KALRN: variants seen among roughly 807,000 people sequenced by gnomAD.
KALRN encodes the protein kalirin RhoGEF kinase.
In KALRN, 70 loss-of-function variants were observed where a neutral mutation model predicts 353.7. The ratio of observed to expected loss-of-function variants is 0.20; its 90% confidence interval spans 0.16 to 0.24. KALRN has a LOEUF of 0.24. Ranked by LOEUF, KALRN falls within the 10% of genes least tolerant of loss-of-function variation. KALRN has a pLI of 1.00. For synonymous variants in KALRN, 1,391 were observed against 1,434.8 expected (o/e 0.97, Z 0.69); for missense variants, 2,791 against 3,756.7 (o/e 0.74, Z 6.72).
chr3:124,115,392 C>T (rs966444782), intron 1 of KALRN, among the ~76,000 whole-genome samples: 2 of 152,178 alleles, frequency 1.3e-5, no homozygotes, highest in African/African-American at 4.8e-5. Context: ...TTAGGCAGGG[C>T]TGCAGGCCAT....
chr3:124,224,072 G>A (rs1198609320), intron 1 of KALRN, among the ~76,000 whole-genome samples: 1 of 152,010 alleles, frequency 6.6e-6, no homozygotes, highest in Non-Finnish European at 1.5e-5. Context: ...GAATGCCAGT[G>A]AAGCATGCCT....
intron 34 of KALRN, among the ~76,000 whole-genome samples, chr3:124,600,760 A>G (rs1476782051): frequency 6.6e-6 from 1 of 152,326 alleles, no homozygotes; most frequent in Non-Finnish European, 1.5e-5. Flanking sequence ...GATTGCTAAC[A>G]TATATTTTGG....
At chr3:124,077,273 C>T (rs1376465062) in intron 1 of KALRN, among the ~76,000 whole-genome samples, 17 of 152,166 alleles carry the variant, frequency 1.1e-4, no homozygotes, top group Admixed American at 1.0e-3. Flanking sequence ...TTGCTGAGCT[C>T]AGATGCCCCA....
At chr3:124,256,417 G>C (rs1328196136) in intron 3 of KALRN, among the ~76,000 whole-genome samples, 1 of 152,176 alleles carries the variant, frequency 6.6e-6, no homozygotes, top group East Asian at 1.9e-4. Context: ...CAAATCCAAA[G>C]GCCAACAAAC....
chr3:124,458,343 C>T (rs192592755), intron 23 of KALRN, among the ~76,000 whole-genome samples: 13 of 151,046 alleles, frequency 8.6e-5, no homozygotes, highest in Admixed American at 7.9e-4. Flanking sequence ...CGTTTCCCTT[C>T]CTTTTTTTCC....
At position 124,454,012 on chromosome 3, in the gene KALRN, C is replaced by T. The variant is rs188309948; in HGVS notation, c.3553-1165C>T. Among the ~76,000 whole-genome samples the T allele has an allele frequency of 7.1e-4, 108 of 152,252 alleles. 1 individual carries two copies. Among genetic ancestry groups the T allele is most frequent in the Admixed American group, 1.9e-3 (29 of 15,290 alleles). The stretch of plus-strand genomic sequence containing the variant: ...AACTATAGCTCTTTACACAGTACTA[C>T]GGACCAAGTAGGTATTGAACAAACT... On this transcript the variant is annotated intron_variant, in intron 21 of 59. Coordinates refer to ENST00000682506, the MANE Select transcript of KALRN (RefSeq NM_001388419.1).
chr3:124,491,616 G>A (rs2063168720), intron 31 of KALRN, 192 bp downstream of exon 31: 1 of 443,040 alleles, frequency 2.3e-6, no homozygotes. Context: ...AAAGACGCAT[G>A]GTCTCCTCAA....
At chr3:124,495,977 A>ATG (rs1337218017) in intron 32 of KALRN, among the ~76,000 whole-genome samples, 1,010 of 26,638 alleles carry the variant, frequency 0.038, 102 homozygotes, top group African/African-American at 0.079. Flanking sequence ...ATATATATAT[A>ATG]TATATATATA....
intron 41 of KALRN, 71 bp from the exon 42 acceptor site, chr3:124,658,360 C>A: frequency 1.7e-6 from 2 of 1,168,146 alleles, no homozygotes; most frequent in Admixed American, 1.7e-5. Context: ...TGGAGGCCAG[C>A]ACGGCACTCT....
At chr3:124,156,607 C>T (rs780905512) in intron 1 of KALRN, among the ~76,000 whole-genome samples, 2 of 152,182 alleles carry the variant, frequency 1.3e-5, no homozygotes, top group African/African-American at 2.4e-5. Context: ...CCAACTTAGC[C>T]GAAGTCCTAA....
At chr3:124,202,188 A>C (rs2075998502) in intron 1 of KALRN, among the ~76,000 whole-genome samples, 1 of 152,238 alleles carries the variant, frequency 6.6e-6, no homozygotes, top group African/African-American at 2.4e-5. Context: ...AAACATCAGC[A>C]TGAAGATCTG....
At chr3:124,188,052 G>A (rs185496192) in intron 1 of KALRN, among the ~76,000 whole-genome samples, 29 of 152,214 alleles carry the variant, frequency 1.9e-4, no homozygotes, top group African/African-American at 3.4e-4. Flanking sequence ...AAAAACCCAC[G>A]TGTGGGCCCT....
At chr3:124,636,831 C>T (rs1317203285) in intron 36 of KALRN, among the ~76,000 whole-genome samples, 1 of 152,182 alleles carries the variant, frequency 6.6e-6, no homozygotes, top group African/African-American at 2.4e-5. Flanking sequence ...CAGCAACGGG[C>T]AGCTGTGTAG....
At chr3:124,609,337 G>A (rs1179145127) in intron 34 of KALRN, among the ~76,000 whole-genome samples, 1 of 152,122 alleles carries the variant, frequency 6.6e-6, no homozygotes, top group Non-Finnish European at 1.5e-5. Context: ...AAATGGGTGG[G>A]TGATGTTATC....
chr3:124,133,019 G>T (rs552924349), intron 1 of KALRN: 1 of 154,050 alleles, frequency 6.5e-6, no homozygotes, highest in South Asian at 2.0e-4. Flanking sequence ...CCAGATGAGG[G>T]TTACTCTCCT....
chr3:124,505,384 C>T (rs1040438000), intron 33 of KALRN, among the ~76,000 whole-genome samples: 5 of 152,154 alleles, frequency 3.3e-5, no homozygotes, highest in Admixed American at 1.3e-4. Flanking sequence ...AATCCTACTA[C>T]TTTGAGAGGC....
chr3:124,335,460 A>C (rs575973777), intron 9 of KALRN, among the ~76,000 whole-genome samples: 1 of 152,204 alleles, frequency 6.6e-6, no homozygotes, highest in Non-Finnish European at 1.5e-5. Context: ...CAATCTTGCT[A>C]CAAATGCCCT....
intron 34 of KALRN, among the ~76,000 whole-genome samples, chr3:124,616,244 CT>C (rs1416194304): frequency 6.6e-6 from 1 of 152,192 alleles, no homozygotes; most frequent in Non-Finnish European, 1.5e-5. Context: ...CTGCTTAACT[CT>C]TCCCCCCAGC....
intron 33 of KALRN, chr3:124,519,330 AG>A (rs1341566881): frequency 6.1e-6 from 6 of 985,222 alleles, no homozygotes; most frequent in Non-Finnish European, 7.2e-6. Context: ...ATAATAAAAA[AG>A]TTTTAAAAGT....
Sources: gnomAD v4.1 joint callset for allele counts (sites outside exome capture counted in the v4.1 genomes callset) on GRCh38, gnomAD v4.1.1 for gene constraint, MANE v1.5 for transcripts, NCBI Gene and HGNC (gene_info 2026-07-23, HGNC 2026-07-21) for gene names.